Variants in R3HCC1L observed in about 807,000 individuals in gnomAD.
R3HCC1L encodes the protein coiled-coil domain-containing protein R3HCC1L.
A neutral mutation model predicts 59.9 loss-of-function variants in R3HCC1L; 51 were observed. The ratio of observed to expected loss-of-function variants is 0.85; its 90% CI spans 0.68 to 1.07. The LOEUF is 1.07. R3HCC1L is among the 50% of genes least tolerant of loss of function. R3HCC1L has a pLI of 0.00. For missense variants in R3HCC1L, 965 were observed against 933.0 expected (o/e 1.03, Z -0.45); for synonymous variants, 322 against 315.2 (o/e 1.02, Z -0.23).
At chr10:98,146,036 T>C (rs771869970) in intron 1 of R3HCC1L, among the ~76,000 whole-genome samples, 15 of 152,230 alleles carry the variant, frequency 9.9e-5, no homozygotes, top group Non-Finnish European at 1.9e-4. Context: ...ACCCATCTAT[T>C]TACCATACAT....
chr10:98,149,287 TTTTG>T (rs1404057003), intron 1 of R3HCC1L, among the ~76,000 whole-genome samples: 2 of 152,158 alleles, frequency 1.3e-5, no homozygotes, highest in Non-Finnish European at 2.9e-5. Context: ...GTTTTGTCGA[TTTTG>T]TTTCTCTTTT....
chr10:98,178,418 T>C (rs1231404796), intron 4 of R3HCC1L, among the ~76,000 whole-genome samples: 2 of 152,186 alleles, frequency 1.3e-5, no homozygotes, highest in African/African-American at 2.4e-5. Context: ...GTTCCATTGG[T>C]CTATATCTCT....
intron 4 of R3HCC1L, among the ~76,000 whole-genome samples, chr10:98,182,783 T>C (rs896003751): frequency 6.6e-6 from 1 of 152,134 alleles, no homozygotes; most frequent in Non-Finnish European, 1.5e-5. Flanking sequence ...TGCCTCGCAG[T>C]TCGATCTTGG....
chr10:98,183,958 G>GTTTTTTTTTTTTT (rs71007380), intron 4 of R3HCC1L, among the ~76,000 whole-genome samples: 13 of 126,564 alleles, frequency 1.0e-4, no homozygotes, highest in Non-Finnish European at 1.6e-4. Context: ...TCCTTTTTCG[G>GTTTTTTTTTTTTT]TTTTTTTTTT....
chr10:98,153,034 G>C (rs1440311702), intron 1 of R3HCC1L, among the ~76,000 whole-genome samples: 2 of 151,810 alleles, frequency 1.3e-5, no homozygotes, highest in East Asian at 3.9e-4. Flanking sequence ...TCCGGGAGGT[G>C]GGGGGCGCCT....
At chr10:98,220,564 T>G (rs530555019) in intron 5 of R3HCC1L, among the ~76,000 whole-genome samples, 2 of 115,816 alleles carry the variant, frequency 1.7e-5, no homozygotes, top group East Asian at 2.8e-4. Flanking sequence ...GAGTGTGATA[T>G]TCCCTTTCCT....
chr10:98,153,681 T>A (rs1182263062), intron 1 of R3HCC1L, among the ~76,000 whole-genome samples: 1 of 148,340 alleles, frequency 6.7e-6, no homozygotes, highest in African/African-American at 2.5e-5. Context: ...ACAGTGATCA[T>A]AAGACAGACA....
chr10:98,237,085 T>C (rs1454052096), intron 9 of R3HCC1L, among the ~76,000 whole-genome samples: 1 of 152,252 alleles, frequency 6.6e-6, no homozygotes, highest in African/African-American at 2.4e-5. Context: ...GACTCCCAGC[T>C]GCACTGGCCA....
intron 1 of R3HCC1L, among the ~76,000 whole-genome samples, chr10:98,139,732 C>T (rs1204586352): frequency 6.6e-6 from 1 of 152,122 alleles, no homozygotes; most frequent in East Asian, 1.9e-4. Context: ...AAAACATGGA[C>T]CAATTGCTTC....
At chr10:98,223,410 G>A (rs995111643) in intron 5 of R3HCC1L, among the ~76,000 whole-genome samples, 1 of 151,910 alleles carries the variant, frequency 6.6e-6, no homozygotes, top group African/African-American at 2.4e-5. Context: ...AATAATTACT[G>A]TGTTCTTTTG....
chr10:98,198,449 G>A (rs1648723560), intron 4 of R3HCC1L, among the ~76,000 whole-genome samples: 1 of 151,770 alleles, frequency 6.6e-6, no homozygotes, highest in African/African-American at 2.4e-5. Context: ...TCTTGATAGT[G>A]TAGTGAAACC....
chr10:98,164,864 G>A (rs1198000123), intron 4 of R3HCC1L, among the ~76,000 whole-genome samples: 1 of 152,216 alleles, frequency 6.6e-6, no homozygotes, highest in Non-Finnish European at 1.5e-5. Context: ...TGTTTTAGTT[G>A]TTGGGTTCTG....
intron 4 of R3HCC1L, among the ~76,000 whole-genome samples, chr10:98,171,943 T>G (rs552916976): frequency 9.8e-5 from 15 of 152,300 alleles, no homozygotes; most frequent in African/African-American, 3.6e-4. Context: ...GGATTAGTAC[T>G]TACTATTATG....
intron 4 of R3HCC1L, among the ~76,000 whole-genome samples, chr10:98,202,982 G>C (rs1399129280): frequency 1.3e-5 from 2 of 152,140 alleles, no homozygotes; most frequent in African/African-American, 4.8e-5. Flanking sequence ...GCAGTTAAAG[G>C]CACTACCTGA....
chr10:98,222,102 G>T (rs1209508918), intron 5 of R3HCC1L, among the ~76,000 whole-genome samples: 1 of 152,144 alleles, frequency 6.6e-6, no homozygotes, highest in Non-Finnish European at 1.5e-5. Context: ...CACATCCCTT[G>T]TAAGTTGGAT....
chr10:98,142,353 C>T (rs887909986), intron 1 of R3HCC1L, among the ~76,000 whole-genome samples: 1 of 152,130 alleles, frequency 6.6e-6, no homozygotes, highest in Admixed American at 6.6e-5. Flanking sequence ...TTTTTTCTCT[C>T]TCTCTTTCTT....
At chr10:98,154,192 A>G (rs990815331) in intron 1 of R3HCC1L, among the ~76,000 whole-genome samples, 4 of 151,720 alleles carry the variant, frequency 2.6e-5, no homozygotes, top group Non-Finnish European at 1.5e-5. Flanking sequence ...CAAAAAAAAA[A>G]AAAAAAAAAA....
At chr10:98,178,526 A>T (rs540347789) in intron 4 of R3HCC1L, among the ~76,000 whole-genome samples, 4 of 152,234 alleles carry the variant, frequency 2.6e-5, no homozygotes, top group Non-Finnish European at 5.9e-5. Flanking sequence ...CTTTTGGCTT[A>T]GGATTGTCTT....
At chr10:98,140,747 T>C (rs1845058199) in intron 1 of R3HCC1L, among the ~76,000 whole-genome samples, 1 of 152,164 alleles carries the variant, frequency 6.6e-6, no homozygotes, top group African/African-American at 2.4e-5. Flanking sequence ...TACACTAACA[T>C]TTTTCCTTAA....
Sources: allele counts gnomAD v4.1 joint callset (sites outside exome capture counted in the v4.1 genomes callset), GRCh38; gene constraint gnomAD v4.1.1; transcripts MANE v1.5; gene names NCBI Gene and HGNC (gene_info 2026-07-23, HGNC 2026-07-21).